Variants in TACR1 observed in about 807,000 individuals in gnomAD.
The protein encoded by TACR1 is substance-P receptor.
In TACR1, 25 loss-of-function variants were observed where a neutral mutation model predicts 35.8. The ratio of observed to expected loss-of-function variants is 0.70; its 90% CI spans 0.51 to 0.98. TACR1 has a LOEUF of 0.98. Among genes scored for constraint, TACR1 ranks in the 50% least tolerant of loss-of-function variants. The pLI is 0.00. For synonymous variants in TACR1, 195 were observed against 206.7 expected, an observed-to-expected ratio of 0.94 and a Z score of 0.48; for missense variants, 478 against 522.9, an observed-to-expected ratio of 0.91 and a Z score of 0.84.
At chr2:75,189,015 T>C (rs1675777399) in intron 1 of TACR1, 3 of 152,212 alleles carry the variant, frequency 2.0e-5, no homozygotes, top group Admixed American at 1.3e-4. Context: ...TTCTTTTTGG[T>C]CATTTTTTTC....
At chr2:75,122,367 G>A (rs1673986721) in intron 1 of TACR1, among the ~76,000 whole-genome samples, 1 of 152,146 alleles carries the variant, frequency 6.6e-6, no homozygotes, top group Non-Finnish European at 1.5e-5. Flanking sequence ...AGGCTTCCTT[G>A]AGCATCCTCT....
At chr2:75,157,917 C>T (rs1403454449) in intron 1 of TACR1, among the ~76,000 whole-genome samples, 1 of 152,206 alleles carries the variant, frequency 6.6e-6, no homozygotes, top group Non-Finnish European at 1.5e-5. Context: ...GAATCTGAGT[C>T]CAAGTCCCCA....
rs1673985478 is a variant in TACR1, at chr2:75,122,274, C to T, written c.390-1506G>A. On this transcript the variant is annotated intron_variant, in intron 1 of 4. Coordinates refer to ENST00000305249, the MANE Select transcript of TACR1 (RefSeq NM_001058.4). The stretch of plus-strand genomic sequence containing the variant: ...CAGGTGTGCTGGATTTGGGGTGAGT[C>T]TGCTGAGCATCCTGCCCCAACGGGA... Among the ~76,000 whole-genome samples the T allele has an allele frequency of 2.0e-5, 3 of 152,176 alleles. No homozygotes were observed. In the South Asian group the frequency reaches 6.2e-4, roughly 32 times the overall value.
intron 2 of TACR1, among the ~76,000 whole-genome samples, chr2:75,063,445 A>G (rs1337985788): frequency 6.6e-6 from 1 of 152,244 alleles, no homozygotes; most frequent in Non-Finnish European, 1.5e-5. Flanking sequence ...CATTATAACT[A>G]TTCAGCCCAT....
chr2:75,199,249 G>A lies in TACR1; in HGVS notation c.-315C>T, dbSNP rs199644586. 6.7e-6 allele frequency: 2 copies of A among 300,220 alleles called. No homozygotes were observed. The highest frequency in any genetic ancestry group is 6.3e-5 in the East Asian group (1 of 15,752). 18.6% of individuals were successfully genotyped at this position (300,220 alleles called of 1,614,324 possible). A position where few individuals can be genotyped will look rare whatever the true frequency, so the allele number is the denominator to read the frequency against. On this transcript the variant is annotated 5_prime_UTR_variant, in exon 1 of 5. Coordinates refer to ENST00000305249, the MANE Select transcript of TACR1 (RefSeq NM_001058.4). ...AGGGAAAGAAATTCCACCGGTCACA[G>A]TTCTAGGAAGCAAGAGATCCCCCGC...
At chr2:75,068,956 A>T (rs1672822358) in intron 2 of TACR1, among the ~76,000 whole-genome samples, 2 of 152,212 alleles carry the variant, frequency 1.3e-5, no homozygotes, top group African/African-American at 4.8e-5. Context: ...TCCCCACCCA[A>T]ATCTCATTTT....
chr2:75,099,335 C>T (rs900399638), intron 2 of TACR1, among the ~76,000 whole-genome samples: 46 of 152,182 alleles, frequency 3.0e-4, no homozygotes, highest in African/African-American at 1.1e-3. Context: ...AACATCCTGT[C>T]CATAAATACC....
chr2:75,193,450 G>A (rs188880783), intron 1 of TACR1, among the ~76,000 whole-genome samples: 223 of 152,044 alleles, frequency 1.5e-3, no homozygotes, highest in African/African-American at 4.9e-3. Flanking sequence ...GTTTCTTGTC[G>A]GGCATTCCAA....
chr2:75,154,759 C>G (rs536609392), intron 1 of TACR1, among the ~76,000 whole-genome samples: 14 of 152,174 alleles, frequency 9.2e-5, no homozygotes, highest in African/African-American at 3.1e-4. Context: ...CTCTCCCTGT[C>G]TATCTACCCT....
intron 1 of TACR1, among the ~76,000 whole-genome samples, chr2:75,172,308 TG>T (rs1675305805): frequency 1.3e-5 from 2 of 152,208 alleles, no homozygotes; most frequent in Non-Finnish European, 2.9e-5. Flanking sequence ...CCCAAGTTTT[TG>T]AACCTAGAAA....
At chr2:75,105,613 C>A (rs1296389458) in intron 2 of TACR1, among the ~76,000 whole-genome samples, 1 of 151,902 alleles carries the variant, frequency 6.6e-6, no homozygotes, top group Admixed American at 6.6e-5. Context: ...ATGAAAACAT[C>A]ATATTGTACG....
At chr2:75,070,225 GTGTGTGTATGTGTGTGTGTGTGTGTGTA>G (rs1177122667) in intron 2 of TACR1, among the ~76,000 whole-genome samples, 9 of 92,298 alleles carry the variant, frequency 9.8e-5, no homozygotes, top group Admixed American at 4.2e-4. Flanking sequence ...ATGTATGTGT[GTGTGTGTATGTGTGTGTGTGTGTGTGTA>G]TGTGTGTGTG....
At chr2:75,117,995 A>G (rs1673897255) in intron 2 of TACR1, among the ~76,000 whole-genome samples, 1 of 152,224 alleles carries the variant, frequency 6.6e-6, no homozygotes, top group Admixed American at 6.5e-5. Context: ...TTGCTTGACC[A>G]TTATGACTCA....
At chr2:75,127,888 C>T (rs192116380) in intron 1 of TACR1, among the ~76,000 whole-genome samples, 10 of 152,242 alleles carry the variant, frequency 6.6e-5, no homozygotes, top group Middle Eastern at 3.4e-3. Context: ...CTTTTTCAAT[C>T]GTTCAAAAAT....
chr2:75,167,687 A>C (rs569652187), intron 1 of TACR1, among the ~76,000 whole-genome samples: 1 of 152,314 alleles, frequency 6.6e-6, no homozygotes, highest in East Asian at 1.9e-4. Flanking sequence ...TTTAAACTAA[A>C]AATCAGTAGT....
intron 1 of TACR1, among the ~76,000 whole-genome samples, chr2:75,181,157 C>T (rs1192411899): frequency 6.6e-6 from 1 of 152,124 alleles, no homozygotes; most frequent in Non-Finnish European, 1.5e-5. Context: ...AATATTTTGC[C>T]TCCATATCAT....
At chr2:75,154,526 A>ACACACACACACACACACT (rs1379600710) in intron 1 of TACR1, 2 of 117,212 alleles carry the variant, frequency 1.7e-5, no homozygotes, top group African/African-American at 9.0e-5. Context: ...ACACACACAC[A>ACACACACACACACACACT]CTCTCTGAAG....
chr2:75,092,289 G>T (rs1251170803), intron 2 of TACR1, among the ~76,000 whole-genome samples: 1 of 151,934 alleles, frequency 6.6e-6, no homozygotes, highest in Non-Finnish European at 1.5e-5. Context: ...AAACCTCCCT[G>T]CTTGATTATG....
At chr2:75,110,573 C>T (rs971539945) in intron 2 of TACR1, among the ~76,000 whole-genome samples, 14 of 151,782 alleles carry the variant, frequency 9.2e-5, no homozygotes, top group African/African-American at 2.2e-4. Flanking sequence ...GCACTAACTG[C>T]ACATATTACT....
Sources: gnomAD v4.1 joint callset for allele counts (sites outside exome capture counted in the v4.1 genomes callset) on GRCh38, gnomAD v4.1.1 for gene constraint, MANE v1.5 for transcripts, NCBI Gene and HGNC (gene_info 2026-07-23, HGNC 2026-07-21) for gene names.